The following CSGALNACT1 variants were observed in gnomAD, a reference collection of about 807,000 sequenced individuals.
CSGALNACT1 encodes beta4GalNAcT-1.
Under a neutral mutation model 51.0 loss-of-function variants are expected in CSGALNACT1, and 52 were observed. The observed-to-expected ratio is 1.02, with a 90% CI of 0.82 to 1.29. The LOEUF is 1.29. Ranked by LOEUF, CSGALNACT1 falls within the 50% of genes most tolerant of loss-of-function variation. The pLI is 0.00. For missense variants in CSGALNACT1, 935 were observed against 679.2 expected (o/e 1.38, Z -4.19); for synonymous variants, 341 against 254.4 (o/e 1.34, Z -3.24).
chr8:19,539,756 C>T (rs1273750467), intron 3 of CSGALNACT1, among the ~76,000 whole-genome samples: 2 of 152,164 alleles, frequency 1.3e-5, no homozygotes, highest in African/African-American at 4.8e-5. Context: ...AAAATGTTGG[C>T]CACATTGACT....
intron 1 of CSGALNACT1, among the ~76,000 whole-genome samples, chr8:19,619,922 C>T (rs375076667): frequency 5.6e-4 from 86 of 152,222 alleles, no homozygotes; most frequent in Non-Finnish European, 8.8e-4. Context: ...TCACTTGAGA[C>T]GCTGGGCAAA....
At chr8:19,613,490 A>C (rs975285125) in intron 1 of CSGALNACT1, among the ~76,000 whole-genome samples, 10 of 152,248 alleles carry the variant, frequency 6.6e-5, no homozygotes, top group Non-Finnish European at 1.0e-4. Context: ...TTATCTACTG[A>C]GTCCAGATAT....
chr8:19,417,582 T>C (rs1183070050), intron 8 of CSGALNACT1, among the ~76,000 whole-genome samples: 1 of 152,206 alleles, frequency 6.6e-6, no homozygotes, highest in Non-Finnish European at 1.5e-5. Context: ...CCTGGTGCTA[T>C]CGTGTCTTCA....
chr8:19,659,962 AG>A (rs1467586905), intron 1 of CSGALNACT1, among the ~76,000 whole-genome samples: 1 of 152,238 alleles, frequency 6.6e-6, no homozygotes, highest in African/African-American at 2.4e-5. Context: ...GCTAGACTCT[AG>A]CCGCTTTCTT....
chr8:19,666,831 G>GAGAGAAAGAA (rs1554794476), intron 1 of CSGALNACT1, among the ~76,000 whole-genome samples: 14 of 24,878 alleles, frequency 5.6e-4, no homozygotes, highest in Non-Finnish European at 8.3e-4. Context: ...GAGAGAGAGA[G>GAGAGAAAGAA]AGAAAGAAAG....
chr8:19,596,194 T>C (rs1264577122), intron 2 of CSGALNACT1, among the ~76,000 whole-genome samples: 1 of 152,142 alleles, frequency 6.6e-6, no homozygotes, highest in African/African-American at 2.4e-5. Context: ...AGGAAAGGTA[T>C]CACATTGTGG....
intron 5 of CSGALNACT1, among the ~76,000 whole-genome samples, chr8:19,445,753 C>T (rs1367465482): frequency 6.6e-6 from 1 of 152,142 alleles, no homozygotes; most frequent in Non-Finnish European, 1.5e-5. Context: ...CATGGCTGGC[C>T]GGCTGAATGA....
At chr8:19,663,763 T>C (rs2154192314) in intron 1 of CSGALNACT1, among the ~76,000 whole-genome samples, 1 of 152,350 alleles carries the variant, frequency 6.6e-6, no homozygotes, top group East Asian at 1.9e-4. Context: ...TGCAAACAGT[T>C]TCAATTCATC....
exon 10 of CSGALNACT1, chr8:19,405,867 G>T (rs572792017): frequency 4.3e-6 from 7 of 1,614,136 alleles, no homozygotes; most frequent in Non-Finnish European, 5.9e-6. Context: ...CCAGCTGGCC[G>T]TGGGATGCCT....
At chr8:19,541,896 A>C (rs1217046396) in intron 3 of CSGALNACT1, among the ~76,000 whole-genome samples, 1 of 152,184 alleles carries the variant, frequency 6.6e-6, no homozygotes, top group Non-Finnish European at 1.5e-5. Flanking sequence ...CTGTAGGATC[A>C]TGTCAAATAT....
At chr8:19,621,564 G>A (rs549318611) in intron 1 of CSGALNACT1, among the ~76,000 whole-genome samples, 546 of 152,188 alleles carry the variant, frequency 3.6e-3, no homozygotes, top group Non-Finnish European at 6.1e-3. Flanking sequence ...GAGGATTGAG[G>A]CCAGGAGTTC....
intron 1 of CSGALNACT1, among the ~76,000 whole-genome samples, chr8:19,622,727 T>C (rs1033153153): frequency 5.9e-5 from 9 of 151,782 alleles, no homozygotes; most frequent in African/African-American, 2.2e-4. Context: ...GAATGTAAAA[T>C]AATGTGTAAT....
exon 6 of CSGALNACT1, chr8:19,439,901 G>T (rs1482049826): frequency 9.3e-6 from 15 of 1,613,908 alleles, no homozygotes; most frequent in Non-Finnish European, 1.3e-5. Flanking sequence ...CAGTGAGATG[G>T]ACTCTCCCAT....
chr8:19,438,442 G>A (rs1255397288), intron 6 of CSGALNACT1, among the ~76,000 whole-genome samples: 4 of 152,184 alleles, frequency 2.6e-5, no homozygotes, highest in Non-Finnish European at 4.4e-5. Context: ...TACTGGAGTC[G>A]AGGAATTTCT....
chr8:19,612,978 A>AAAAAAAAC, intron 1 of CSGALNACT1, among the ~76,000 whole-genome samples: 1 of 146,906 alleles, frequency 6.8e-6, no homozygotes, highest in African/African-American at 2.6e-5. Context: ...AAAAAAAAAA[A>AAAAAAAAC]AAGCACAGCT....
chr8:19,685,841 T>C (rs909728555), upstream of CSGALNACT1, among the ~76,000 whole-genome samples: 1 of 152,082 alleles, frequency 6.6e-6, no homozygotes, highest in Non-Finnish European at 1.5e-5. Context: ...AGTTTTGGAG[T>C]AAGGAGGCTT....
intron 2 of CSGALNACT1, among the ~76,000 whole-genome samples, chr8:19,600,670 GTTT>G (rs1203529831): frequency 6.6e-6 from 1 of 151,678 alleles, no homozygotes; most frequent in Non-Finnish European, 1.5e-5. Context: ...TTCAGCCAAG[GTTT>G]TTTTTATTTT....
In CSGALNACT1 at chr8:19,661,622, T is replaced by C. The variant is rs575660268; in HGVS notation, c.-544+20851A>G. ...GGCCCGGATTGCATGGGACATAGGA[T>C]AGCCATCCCAGATCTTCATTCATGA... On this transcript the variant is annotated intron_variant, in intron 1 of 9. Coordinates refer to the CSGALNACT1 transcript ENST00000332246. Among the ~76,000 whole-genome samples, 14 of 152,296 alleles carry C rather than the reference T, an allele frequency of 9.2e-5. No individual in the cohort carries two copies. In the South Asian group the frequency reaches 2.9e-3, roughly 32 times the overall value.
chr8:19,698,618 A>G (rs901966186), intron 1 of CSGALNACT1, among the ~76,000 whole-genome samples: 2 of 152,184 alleles, frequency 1.3e-5, no homozygotes, highest in African/African-American at 4.8e-5. Flanking sequence ...AAACTTACCT[A>G]TGTACCTCAC....
Sources: allele counts gnomAD v4.1 joint callset (sites outside exome capture counted in the v4.1 genomes callset), GRCh38; gene constraint gnomAD v4.1.1; transcripts MANE v1.5; gene names NCBI Gene and HGNC (gene_info 2026-07-23, HGNC 2026-07-21).